Variants in SAMD5 observed in about 807,000 individuals in gnomAD.
SAMD5 encodes sterile alpha motif domain containing 5, also known as sterile alpha motif domain-containing protein 5.
A neutral mutation model predicts 11.3 loss-of-function variants in SAMD5; 13 were observed. The observed-to-expected ratio is 1.15, with a 90% CI of 0.75 to 1.83. The LOEUF (loss-of-function observed/expected upper bound fraction) is 1.83, where lower values mean the gene tolerates loss of function less well. SAMD5 is among the 40% of genes most tolerant of loss of function. The pLI is 0.00. For synonymous variants in SAMD5, 129 were observed against 111.3 expected, an observed-to-expected ratio of 1.16 and a Z score of -1.00; for missense variants, 255 against 239.1, an observed-to-expected ratio of 1.07 and a Z score of -0.44.
chr6:147,587,485 C>T (rs1789390950), intron 1 of SAMD5, among the ~76,000 whole-genome samples: 1 of 152,182 alleles, frequency 6.6e-6, no homozygotes, highest in Non-Finnish European at 1.5e-5. Context: ...GATCCGCCTG[C>T]CTTGATCTCC....
At chr6:147,789,793 T>C in the SAMD5 span, among the ~76,000 whole-genome samples, 3 of 152,258 alleles carry the variant, frequency 2.0e-5, no homozygotes, top group East Asian at 3.9e-4. Flanking sequence ...TTTTGAGGAG[T>C]ACTGCTTAGG....
chr6:147,749,464 A>G, the SAMD5 span, among the ~76,000 whole-genome samples: 1 of 152,160 alleles, frequency 6.6e-6, no homozygotes, highest in Non-Finnish European at 1.5e-5. Flanking sequence ...CGCTGTGCCC[A>G]ACCTGTTAGT....
the SAMD5 span, among the ~76,000 whole-genome samples, chr6:147,867,279 G>GTTT: frequency 6.9e-5 from 8 of 115,372 alleles, no homozygotes; most frequent in African/African-American, 9.8e-5. Flanking sequence ...GGTCAAAAAG[G>GTTT]TTTTTTTTTT....
chr6:147,533,314 A>G (rs2128441315), intron 1 of SAMD5, among the ~76,000 whole-genome samples: 1 of 151,996 alleles, frequency 6.6e-6, no homozygotes, highest in South Asian at 2.1e-4. Flanking sequence ...TAAGAAACCA[A>G]GGCCGGGCGC....
At chr6:147,592,420 CA>C (rs1255090969) in intron 1 of SAMD5, among the ~76,000 whole-genome samples, 31 of 152,054 alleles carry the variant, frequency 2.0e-4, no homozygotes, top group African/African-American at 7.0e-4. Flanking sequence ...AGGCACTTCA[CA>C]TGGTCGCAGA....
chr6:147,881,381 G>T, the SAMD5 span, among the ~76,000 whole-genome samples: 1 of 152,250 alleles, frequency 6.6e-6, no homozygotes, highest in African/African-American at 2.4e-5. Flanking sequence ...CCCGCGTCAA[G>T]GTTCCCCGCG....
chr6:147,734,987 C>T (rs577777995), intron 1 of SAMD5, among the ~76,000 whole-genome samples: 3 of 152,102 alleles, frequency 2.0e-5, no homozygotes, highest in East Asian at 3.9e-4. Flanking sequence ...CACTAAACCA[C>T]GTAATTTTTG....
the SAMD5 span, among the ~76,000 whole-genome samples, chr6:147,783,016 AGT>A: frequency 6.6e-6 from 1 of 152,242 alleles, no homozygotes; most frequent in Non-Finnish European, 1.5e-5. Flanking sequence ...AGATTAAAAG[AGT>A]GTTTAATTCT....
At chr6:147,615,029 C>A (rs9399609) in intron 1 of SAMD5, among the ~76,000 whole-genome samples, 22,135 of 151,660 alleles carry the variant, frequency 0.15, 3,231 homozygotes, top group African/African-American at 0.36. Flanking sequence ...TATTTACATA[C>A]CATTTGCATT....
intron 1 of SAMD5, among the ~76,000 whole-genome samples, chr6:147,645,104 C>G (rs1208244841): frequency 6.6e-6 from 1 of 152,130 alleles, no homozygotes; most frequent in African/African-American, 2.4e-5. Context: ...CGGACTTTAA[C>G]AAGGAGATGC....
chr6:147,769,378 C>T, the SAMD5 span, among the ~76,000 whole-genome samples: 48 of 152,110 alleles, frequency 3.2e-4, no homozygotes, highest in Non-Finnish European at 5.4e-4. Context: ...TGTGTATACA[C>T]CTTAAGCTTT....
chr6:147,793,747 G>C, the SAMD5 span, among the ~76,000 whole-genome samples: 151 of 152,184 alleles, frequency 9.9e-4, 1 homozygote, highest in East Asian at 0.024. Context: ...TATTTCTGTG[G>C]ATCTACATTC....
At chr6:147,717,840 A>G (rs932441145) in intron 1 of SAMD5, among the ~76,000 whole-genome samples, 1 of 151,154 alleles carries the variant, frequency 6.6e-6, no homozygotes, top group Non-Finnish European at 1.5e-5. Flanking sequence ...GACAGAGCAA[A>G]ACTCTGTCTC....
downstream of SAMD5, among the ~76,000 whole-genome samples, chr6:147,571,556 C>A (rs539129412): frequency 6.6e-6 from 1 of 151,066 alleles, no homozygotes; most frequent in Non-Finnish European, 1.5e-5. Context: ...ACTTTTTTGA[C>A]TAACTCGTCT....
intron 1 of SAMD5, among the ~76,000 whole-genome samples, chr6:147,548,686 G>T (rs183926877): frequency 6.6e-6 from 1 of 152,194 alleles, no homozygotes; most frequent in East Asian, 1.9e-4. Context: ...CTGCTTTCTT[G>T]ATTAGGACTT....
At chr6:147,937,770 G>A in the SAMD5 span, among the ~76,000 whole-genome samples, 16 of 152,034 alleles carry the variant, frequency 1.1e-4, no homozygotes, top group South Asian at 4.1e-4. Flanking sequence ...ATTTTAATTC[G>A]CACCATAGAT....
chr6:147,573,637 A>G (rs745606408), downstream of SAMD5, among the ~76,000 whole-genome samples: 19 of 152,336 alleles, frequency 1.2e-4, no homozygotes, highest in South Asian at 4.1e-4. Flanking sequence ...AAGTGAGGTT[A>G]CTAATAGCCC....
At chr6:147,695,821 T>C (rs1035360489) in intron 1 of SAMD5, among the ~76,000 whole-genome samples, 2 of 152,228 alleles carry the variant, frequency 1.3e-5, no homozygotes, top group Admixed American at 1.3e-4. Context: ...ATATATACTT[T>C]ATACATATAT....
chr6:147,627,632 A>G (rs955332499), intron 1 of SAMD5, among the ~76,000 whole-genome samples: 4 of 152,172 alleles, frequency 2.6e-5, no homozygotes, highest in Non-Finnish European at 4.4e-5. Context: ...CCAGCCACAC[A>G]CAATGCATTC....
Sources: gnomAD v4.1 joint callset for allele counts (sites outside exome capture counted in the v4.1 genomes callset) on GRCh38, gnomAD v4.1.1 for gene constraint, MANE v1.5 for transcripts, NCBI Gene and HGNC (gene_info 2026-07-23, HGNC 2026-07-21) for gene names.